The following ST7L variants were observed in gnomAD, a reference collection of about 807,000 sequenced individuals.
The protein encoded by ST7L is suppressor of tumorigenicity 7 protein-like.
ST7L carries 57 observed loss-of-function variants against 72.5 expected under a neutral mutation model. The ratio of observed to expected loss-of-function variants is 0.79; its 90% CI spans 0.64 to 0.98. ST7L has a LOEUF of 0.98. ST7L is among the 50% of genes least tolerant of loss of function. ST7L has a pLI of 0.00. For missense variants in ST7L, 576 were observed against 672.2 expected, an observed-to-expected ratio of 0.86 and a Z score of 1.58; for synonymous variants, 221 against 240.9, an observed-to-expected ratio of 0.92 and a Z score of 0.77.
In ST7L at chr1:112,551,069, A is replaced by C. The variant is rs967320356; in HGVS notation, c.1397-376T>G. Among the ~76,000 whole-genome samples, 6 of 151,656 alleles carry C rather than the reference A, an allele frequency of 4.0e-5. No homozygotes were observed. In the East Asian group the frequency reaches 1.2e-3, roughly 29 times the overall value. On this transcript the variant is annotated intron_variant, in intron 12 of 14. Transcript: ENST00000358039. The stretch of plus-strand genomic sequence containing the variant: ...AACTGTTGTGGCCATTACTATTGGC[A>C]ACCTAAAATAGTTTTCAATGGTTCC...
Position 112,619,108 on chromosome 1 carries a change from C to T in ST7L, c.6G>A (p.Ala2=). The change falls in exon 1 of 15, where the codon GCG becomes GCA. Residue 2 remains alanine, a synonymous_variant. Transcript: ENST00000358039. ...CGGCTTCACCCACGCCGCCACGGTCCGCCATCTTGCCGCTATCGCAGGCGC... is the reference window on the plus strand; with the variant it reads ...CGGCTTCACCCACGCCGCCACGGTCTGCCATCTTGCCGCTATCGCAGGCGC... M[A]DRGGVGEAAA... 6 of 1,613,400 alleles carry T rather than the reference C, an allele frequency of 3.7e-6. No homozygotes were observed. The highest frequency in any genetic ancestry group is 5.1e-6 in the Non-Finnish European group (6 of 1,179,866).
intron 6 of ST7L, among the ~76,000 whole-genome samples, chr1:112,587,595 C>G (rs190137522): frequency 1.3e-5 from 2 of 152,206 alleles, no homozygotes; most frequent in African/African-American, 4.8e-5. Context: ...AAGAGTGAAA[C>G]TCTGTCTCAG....
At chr1:112,570,463 G>A (rs182969389) in intron 11 of ST7L, among the ~76,000 whole-genome samples, 59 of 150,720 alleles carry the variant, frequency 3.9e-4, no homozygotes, top group African/African-American at 1.2e-3. Context: ...AATATTTCCC[G>A]CTAAAACAGC....
At chr1:112,550,975 T>C (rs188563974) in intron 12 of ST7L, among the ~76,000 whole-genome samples, 94 of 151,950 alleles carry the variant, frequency 6.2e-4, no homozygotes, top group African/African-American at 1.8e-3. Context: ...ACAAACACAA[T>C]TGATAATTCC....
chr1:112,603,393 T>C (rs188853401), intron 3 of ST7L, among the ~76,000 whole-genome samples: 1 of 152,322 alleles, frequency 6.6e-6, no homozygotes, highest in East Asian at 1.9e-4. Context: ...AGTTCAGATT[T>C]TACACTGCAA....
intron 13 of ST7L, among the ~76,000 whole-genome samples, chr1:112,547,497 C>T (rs1657296303): frequency 6.7e-6 from 1 of 148,712 alleles, no homozygotes; most frequent in Non-Finnish European, 1.5e-5. Flanking sequence ...TGGCCCTTCT[C>T]AAGCTTTCTT....
intron 11 of ST7L, among the ~76,000 whole-genome samples, chr1:112,569,533 G>A (rs1306563390): frequency 6.6e-6 from 1 of 152,198 alleles, no homozygotes; most frequent in Admixed American, 6.5e-5. Flanking sequence ...GGACTGGGGG[G>A]TGACTACTAA....
chr1:112,525,782 G>C lies in ST7L; in HGVS notation c.*231C>G, dbSNP rs1208946092. ...CCTGGCCAAACAGAAAGGCTAAGCT[G>C]AATGAAGAAAAAAGGAAGACAATTT... On this transcript the variant is annotated 3_prime_UTR_variant, in exon 15 of 15. Coordinates refer to ENST00000358039, the MANE Select transcript of ST7L (RefSeq NM_017744.5). 2 of 510,528 alleles carry C rather than the reference G, an allele frequency of 3.9e-6. No individual in the cohort carries two copies. The highest frequency in any genetic ancestry group is 6.6e-6 in the Non-Finnish European group (2 of 305,254). The allele number at this position is 510,528 out of a possible 1,614,324, so 31.6% of individuals were successfully genotyped here.
chr1:112,603,749 G>A lies in ST7L; in HGVS notation c.452-2901C>T, dbSNP rs144272302. 2.0e-5 allele frequency among the ~76,000 whole-genome samples: 3 copies of A among 152,284 alleles called. No individual in the cohort carries two copies. In the East Asian group the frequency reaches 5.8e-4, roughly 29 times the overall value. ...GAAGTCTGAGATCAAGGTACCTGCA[G>A]GGTACCAGCACAGCTGAGTTCTGGT... On this transcript the variant is annotated intron_variant, in intron 3 of 14. Coordinates refer to ENST00000358039, the MANE Select transcript of ST7L (RefSeq NM_017744.5).
intron 11 of ST7L, among the ~76,000 whole-genome samples, chr1:112,566,077 TCAGA>T (rs1660968671): frequency 1.3e-5 from 2 of 151,916 alleles, no homozygotes; most frequent in East Asian, 1.9e-4. Flanking sequence ...AGCCTGACAC[TCAGA>T]CACTGTGTTA....
At chr1:112,568,463 A>G (rs913904264) in intron 11 of ST7L, among the ~76,000 whole-genome samples, 2 of 150,638 alleles carry the variant, frequency 1.3e-5, no homozygotes, top group African/African-American at 2.4e-5. Context: ...CAGCCTCCCA[A>G]GTAGCTGGGA....
chr1:112,574,060 G>A (rs1318401354), intron 11 of ST7L, among the ~76,000 whole-genome samples: 8 of 146,886 alleles, frequency 5.4e-5, no homozygotes, highest in Admixed American at 1.4e-4. Context: ...GACTACAGGC[G>A]CACCCCACCA....
intron 11 of ST7L, among the ~76,000 whole-genome samples, chr1:112,559,983 G>GA (rs927269438): frequency 8.1e-4 from 120 of 148,342 alleles, no homozygotes; most frequent in African/African-American, 2.3e-3. Flanking sequence ...ATTTCAAAAA[G>GA]AAAAAAAAAT....
chr1:112,602,940 G>C (rs1570589229), intron 3 of ST7L, among the ~76,000 whole-genome samples: 1 of 151,910 alleles, frequency 6.6e-6, no homozygotes, highest in South Asian at 2.1e-4. Context: ...GGATGGTCTT[G>C]ATCTGCTGAC....
intron 11 of ST7L, among the ~76,000 whole-genome samples, chr1:112,570,008 A>G (rs576490517): frequency 7.9e-4 from 120 of 151,896 alleles, no homozygotes; most frequent in Non-Finnish European, 1.3e-3. Context: ...ATGGTTGGAT[A>G]AGAAAAGTAT....
chr1:112,533,659 T>G (rs1387052957), intron 14 of ST7L, among the ~76,000 whole-genome samples: 2 of 151,828 alleles, frequency 1.3e-5, no homozygotes, highest in Non-Finnish European at 2.9e-5. Context: ...TATGTATGTA[T>G]GTACCTATTT....
intron 3 of ST7L, among the ~76,000 whole-genome samples, chr1:112,601,722 G>A (rs1667421341): frequency 6.6e-6 from 1 of 152,086 alleles, no homozygotes; most frequent in African/African-American, 2.4e-5. Flanking sequence ...AAACCATACA[G>A]CATGGTTAGG....
In ST7L at chr1:112,594,082, T is replaced by G. The variant is rs1372342475; in HGVS notation, c.623-2479A>C. On this transcript the variant is annotated intron_variant, in intron 5 of 14. Coordinates refer to ENST00000358039, the MANE Select transcript of ST7L (RefSeq NM_017744.5). ...TTTTAAGAAAATCAACTTCTAAAGCTTCAACTTTATCACTCTTTCCTATAA... is the reference window on the plus strand; with the variant it reads ...TTTTAAGAAAATCAACTTCTAAAGCGTCAACTTTATCACTCTTTCCTATAA... 2.0e-5 allele frequency among the ~76,000 whole-genome samples: 3 copies of G among 152,028 alleles called. No homozygotes were observed. The South Asian group carries it at 6.2e-4, about 32-fold the overall frequency.
chr1:112,551,066 G>A (rs1230423987), intron 12 of ST7L, among the ~76,000 whole-genome samples: 1 of 150,546 alleles, frequency 6.6e-6, no homozygotes, highest in African/African-American at 2.5e-5. Context: ...CATTACTATT[G>A]GCAACCTAAA....
Sources: gnomAD v4.1 joint callset for allele counts (sites outside exome capture counted in the v4.1 genomes callset) on GRCh38, gnomAD v4.1.1 for gene constraint, MANE v1.5 for transcripts, NCBI Gene and HGNC (gene_info 2026-07-23, HGNC 2026-07-21) for gene names.